TUSC3: variants seen among roughly 807,000 people sequenced by gnomAD.
The protein encoded by TUSC3 is dolichyl-diphosphooligosaccharide--protein glycosyltransferase subunit TUSC3.
In TUSC3, 45 loss-of-function variants were observed where a neutral mutation model predicts 44.8. The observed-to-expected ratio is 1.00, with a 90% CI of 0.79 to 1.29. TUSC3 has a LOEUF of 1.29. Among genes scored for constraint, TUSC3 ranks in the 50% most tolerant of loss-of-function variants. The pLI, the probability that TUSC3 is intolerant of heterozygous loss-of-function variation, is 0.00. For missense variants in TUSC3, 519 were observed against 437.9 expected (o/e 1.19, Z -1.65); for synonymous variants, 212 against 152.9 (o/e 1.39, Z -2.85).
intron 1 of TUSC3, among the ~76,000 whole-genome samples, chr8:15,454,475 A>G (rs940542862): frequency 2.6e-5 from 4 of 152,216 alleles, no homozygotes; most frequent in Non-Finnish European, 5.9e-5. Context: ...CACAGATTTG[A>G]TTTAGCTAAA....
At chr8:15,598,741 A>G (rs1045277474) in intron 1 of TUSC3, among the ~76,000 whole-genome samples, 2 of 151,716 alleles carry the variant, frequency 1.3e-5, no homozygotes, top group African/African-American at 4.8e-5. Flanking sequence ...ATGTACATTT[A>G]AGTTTTCTCT....
At chr8:15,825,457 G>T in the TUSC3 span, among the ~76,000 whole-genome samples, 3 of 152,030 alleles carry the variant, frequency 2.0e-5, no homozygotes, top group African/African-American at 7.2e-5. Flanking sequence ...ACAGCATTGT[G>T]GAAAGACCTG....
At chr8:15,457,106 G>A (rs1033919597) in intron 1 of TUSC3, among the ~76,000 whole-genome samples, 5 of 144,320 alleles carry the variant, frequency 3.5e-5, no homozygotes, top group African/African-American at 1.3e-4. Context: ...TCATAGGTGG[G>A]AATTGAACAA....
intron 3 of TUSC3, chr8:15,651,119 A>G (rs1456728230): frequency 6.1e-6 from 2 of 328,502 alleles, no homozygotes; most frequent in East Asian, 7.3e-5. Context: ...TATTTTTATC[A>G]TTGTACAGGT....
rs1374381466 is a variant in TUSC3, at chr8:15,750,384, C to CCTAT, written c.1028+1923_1028+1926dup. On this transcript the variant is annotated intron_variant, in intron 9 of 10. Transcript: ENST00000503731. Reference sequence around the variant, plus strand: ...ATGTAATGATACTAAAATATCATTCCCTATCTAGATTATTATCTGACAGCA... The same window carrying CCTAT: ...ATGTAATGATACTAAAATATCATTCCCTATCTATCTAGATTATTATCTGACAGCA... Among the ~76,000 whole-genome samples the CCTAT allele has an allele frequency of 5.3e-5, 8 of 152,064 alleles. No homozygotes were observed. The East Asian group carries it at 1.6e-3, about 29-fold the overall frequency.
At chr8:15,708,997 A>T (rs1809728998) in intron 6 of TUSC3, among the ~76,000 whole-genome samples, 1 of 151,926 alleles carries the variant, frequency 6.6e-6, no homozygotes, top group Non-Finnish European at 1.5e-5. Flanking sequence ...AGATTTGATA[A>T]ATTATATTTG....
intron 1 of TUSC3, among the ~76,000 whole-genome samples, chr8:15,573,198 C>CTATATATATATA (rs1260702049): frequency 3.0e-5 from 3 of 101,542 alleles, no homozygotes; most frequent in African/African-American, 1.2e-4. Flanking sequence ...CTCTCTCTCT[C>CTATATATATATA]TCTCTATATA....
rs1382966684 is a variant in TUSC3, at chr8:15,479,183, G to C, written n.92-4203G>C. On this transcript the variant is annotated intron_variant and non_coding_transcript_variant, in intron 1 of 5. Transcript: ENST00000503191. ...AGTTCTTTGTAGATTTTGGGTATTA[G>C]ACCTTTGTCAGATGGGTAGATTGCA... Among the ~76,000 whole-genome samples, 3 of 152,024 alleles carry C rather than the reference G, an allele frequency of 2.0e-5. 1 individual carries two copies. The highest frequency in any genetic ancestry group is 4.4e-5 in the Non-Finnish European group (3 of 68,002).
intron 1 of TUSC3, among the ~76,000 whole-genome samples, chr8:15,617,120 A>ATGTCTGTGTGTG (rs1805021332): frequency 8.1e-6 from 1 of 123,720 alleles, no homozygotes; most frequent in Non-Finnish European, 1.6e-5. Flanking sequence ...TATCTGTAAA[A>ATGTCTGTGTGTG]TGTGTGTGTG....
At chr8:15,575,244 A>C (rs1358683699) in intron 1 of TUSC3, among the ~76,000 whole-genome samples, 1 of 152,076 alleles carries the variant, frequency 6.6e-6, no homozygotes, top group East Asian at 1.9e-4. Context: ...GATTTTTAAC[A>C]CTTTGTTTTA....
intron 1 of TUSC3, among the ~76,000 whole-genome samples, chr8:15,613,921 C>G (rs548653813): frequency 2.6e-5 from 4 of 152,008 alleles, no homozygotes; most frequent in African/African-American, 9.6e-5. Context: ...TGAATTAGGC[C>G]TTTGAGATCT....
the TUSC3 span, among the ~76,000 whole-genome samples, chr8:15,778,139 G>A: frequency 4.7e-5 from 7 of 150,306 alleles, no homozygotes; most frequent in South Asian, 2.1e-4. Flanking sequence ...AACCACCACC[G>A]GCTAATATCA....
the TUSC3 span, among the ~76,000 whole-genome samples, chr8:15,785,332 T>C: frequency 2.0e-5 from 3 of 152,332 alleles, no homozygotes; most frequent in East Asian, 1.9e-4. Flanking sequence ...AACCAATACA[T>C]TGCTAAGTCA....
intron 10 of TUSC3, among the ~76,000 whole-genome samples, chr8:15,760,173 G>A (rs915224400): frequency 2.6e-5 from 4 of 152,030 alleles, no homozygotes; most frequent in Admixed American, 6.6e-5. Context: ...CAAAGAGGAA[G>A]GCAAAGTTAA....
At chr8:15,679,149 A>G (rs1808307901) in intron 6 of TUSC3, among the ~76,000 whole-genome samples, 1 of 152,166 alleles carries the variant, frequency 6.6e-6, no homozygotes, top group Non-Finnish European at 1.5e-5. Flanking sequence ...GTAGAATGGC[A>G]GTTCTAATTT....
At chr8:15,473,387 C>T (rs1403085082) in intron 1 of TUSC3, among the ~76,000 whole-genome samples, 1 of 152,216 alleles carries the variant, frequency 6.6e-6, no homozygotes, top group Non-Finnish European at 1.5e-5. Context: ...ATACATGTCA[C>T]TTTCCTATGA....
At chr8:15,458,655 C>T (rs911301753) in intron 1 of TUSC3, among the ~76,000 whole-genome samples, 1 of 152,198 alleles carries the variant, frequency 6.6e-6, no homozygotes, top group Admixed American at 6.5e-5. Flanking sequence ...ATTCTTCCAC[C>T]TGAGATCCAA....
chr8:15,704,946 TAA>T (rs5889597), intron 6 of TUSC3, among the ~76,000 whole-genome samples: 5,417 of 149,970 alleles, frequency 0.036, 284 homozygotes, highest in African/African-American at 0.12. Flanking sequence ...CTGTATTCTT[TAA>T]AAAAAAAAAA....
chr8:15,806,868 T>C, the TUSC3 span: 1 of 1,134,724 alleles, frequency 8.8e-7, no homozygotes, highest in East Asian at 2.4e-5. Context: ...GTTAATGAAA[T>C]AATTATGTTG....
Sources: gnomAD v4.1 joint callset for allele counts (sites outside exome capture counted in the v4.1 genomes callset) on GRCh38, gnomAD v4.1.1 for gene constraint, MANE v1.5 for transcripts, NCBI Gene and HGNC (gene_info 2026-07-23, HGNC 2026-07-21) for gene names.